Variants in SLC12A2 observed in about 807,000 individuals in gnomAD.
SLC12A2 encodes the protein Na-K-2Cl cotransporter 1.
A neutral mutation model predicts 136.3 loss-of-function variants in SLC12A2; 67 were observed. The ratio of observed to expected loss-of-function variants is 0.49; its 90% CI spans 0.40 to 0.60. The LOEUF (loss-of-function observed/expected upper bound fraction) is 0.60. Among genes scored for constraint, SLC12A2 ranks in the 20% least tolerant of loss-of-function variants. The pLI is 0.00. For synonymous variants in SLC12A2, 619 were observed against 562.9 expected (o/e 1.10, Z -1.41); for missense variants, 1,322 against 1,534.7 (o/e 0.86, Z 2.32).
chr5:128,126,282 C>T (rs1173798155), intron 4 of SLC12A2, among the ~76,000 whole-genome samples: 2 of 152,082 alleles, frequency 1.3e-5, no homozygotes, highest in Admixed American at 1.3e-4. Context: ...AGACGTTTCT[C>T]AAAAGAAGAT....
At chr5:128,166,460 A>ATGTGTGTG in intron 17 of SLC12A2, among the ~76,000 whole-genome samples, 1 of 150,004 alleles carries the variant, frequency 6.7e-6, no homozygotes, top group East Asian at 1.9e-4. Flanking sequence ...GGATAAACAA[A>ATGTGTGTG]TGTGTGTGTG....
At position 128,152,402 on chromosome 5, in the gene SLC12A2, A is replaced by G. The variant is rs183219007; in HGVS notation, c.2264-304A>G. On this transcript the variant is annotated intron_variant, in intron 14 of 26. Coordinates refer to ENST00000262461, the MANE Select transcript of SLC12A2 (RefSeq NM_001046.3). Reference sequence around the variant, plus strand: ...CTCATTTCCATTTAGACCTTTGGCTATATACAAACAATAATTTTAACATAT... The same window carrying G: ...CTCATTTCCATTTAGACCTTTGGCTGTATACAAACAATAATTTTAACATAT... 1.2e-3 allele frequency among the ~76,000 whole-genome samples: 181 copies of G among 152,340 alleles called. 1 individual carries two copies. The highest frequency in any genetic ancestry group is 2.3e-3 in the Non-Finnish European group (154 of 68,026).
chr5:128,185,454 G>T (rs150758087), intron 26 of SLC12A2, among the ~76,000 whole-genome samples: 1 of 151,816 alleles, frequency 6.6e-6, no homozygotes, highest in East Asian at 1.9e-4. Flanking sequence ...GAAAGCTCAG[G>T]CCTCTCCCCC....
At chr5:128,163,836 C>T (rs756178059) in intron 17 of SLC12A2, among the ~76,000 whole-genome samples, 33 of 152,184 alleles carry the variant, frequency 2.2e-4, no homozygotes, top group Admixed American at 6.5e-4. Context: ...CATGAAGATA[C>T]AGTGGAGGCT....
At position 128,111,828 on chromosome 5, in the gene SLC12A2, A is replaced by G. The variant is rs181586331; in HGVS notation, c.757-986A>G. 3.1e-3 allele frequency among the ~76,000 whole-genome samples: 412 copies of G among 133,938 alleles called. 2 individuals carry two copies. Among genetic ancestry groups the G allele is most frequent in the African/African-American group, 9.7e-3 (327 of 33,788 alleles). 87.9% of individuals were successfully genotyped at this position (133,938 alleles called of 152,430 possible). ...TGTGTATATACGTGTGTGTGTGTGT[A>G]TATATATATATATGGAGAGAGAGAA... On this transcript the variant is annotated intron_variant, in intron 1 of 26. Coordinates refer to ENST00000262461, the MANE Select transcript of SLC12A2 (RefSeq NM_001046.3).
At chr5:128,153,603 C>T (rs1035764871) in intron 15 of SLC12A2, among the ~76,000 whole-genome samples, 6 of 152,096 alleles carry the variant, frequency 3.9e-5, no homozygotes, top group African/African-American at 9.7e-5. Flanking sequence ...TATTAACCAT[C>T]GGTATAAACT....
At chr5:128,158,919 AT>A (rs1405388664) in intron 16 of SLC12A2, among the ~76,000 whole-genome samples, 137 of 149,378 alleles carry the variant, frequency 9.2e-4, no homozygotes, top group Non-Finnish European at 1.7e-3. Context: ...GTGTGAAATA[AT>A]TTTTTTATAC....
Position 128,151,372 on chromosome 5 carries a change from A to G in SLC12A2, c.2239A>G (p.Ile747Val). ...LTYVIVLGLY[I>V]YVTYKKPDVN... ...ATATGTGATAGTCCTTGGGCTGTAT[A>G]TTTATGTTACCTACAAAAAACCAGG... The change falls in exon 14 of 27, where the codon ATT becomes GTT. Residue 747 changes from isoleucine (I) to valine (V), a missense_variant. Coordinates refer to ENST00000262461, the MANE Select transcript of SLC12A2 (RefSeq NM_001046.3). 3 of 1,608,766 alleles carry G rather than the reference A, an allele frequency of 1.9e-6. No homozygotes were observed. The highest frequency in any genetic ancestry group is 8.5e-7 in the Non-Finnish European group (1 of 1,178,532).
chr5:128,164,634 C>T (rs557484712), intron 17 of SLC12A2, among the ~76,000 whole-genome samples: 4 of 152,130 alleles, frequency 2.6e-5, no homozygotes, highest in South Asian at 2.1e-4. Flanking sequence ...TTGTTTATTA[C>T]CTTTGGCAAA....
chr5:128,110,913 G>A, intron 1 of SLC12A2: 1 of 1,014,606 alleles, frequency 9.9e-7, no homozygotes, highest in Non-Finnish European at 1.6e-6. Flanking sequence ...AAATCTGAGA[G>A]GGCATGAAAA....
chr5:128,147,780 C>A, intron 11 of SLC12A2, 51 bp downstream of exon 11: 1 of 1,093,918 alleles, frequency 9.1e-7, no homozygotes, highest in Non-Finnish European at 1.4e-6. Context: ...TAAAGTAATA[C>A]TTCTCAATTT....
At chr5:128,178,427 G>T in intron 21 of SLC12A2, 140 bp from the exon 22 acceptor site, 1 of 478,634 alleles carries the variant, frequency 2.1e-6, no homozygotes. Context: ...GAAAGTTTAT[G>T]GTAGATGCCG....
chr5:128,151,006 T>G (rs780178086), intron 13 of SLC12A2, among the ~76,000 whole-genome samples: 1 of 151,862 alleles, frequency 6.6e-6, no homozygotes, highest in Non-Finnish European at 1.5e-5. Flanking sequence ...ACAGAACTAG[T>G]CAAATACAGT....
At chr5:128,157,172 A>C (rs989270038) in intron 15 of SLC12A2, among the ~76,000 whole-genome samples, 2 of 152,174 alleles carry the variant, frequency 1.3e-5, no homozygotes, top group Non-Finnish European at 2.9e-5. Context: ...TCTGCAATTC[A>C]CTTTCTGTTA....
chr5:128,115,846 G>T lies in SLC12A2; in HGVS notation c.1048+1165G>T, dbSNP rs546135853. ...ATTGAGCTTTTCATTTTTCACCATT[G>T]TCTTTATATGTTTTAGACACCAGAG... On this transcript the variant is annotated intron_variant, in intron 4 of 26. Coordinates refer to ENST00000262461, the MANE Select transcript of SLC12A2 (RefSeq NM_001046.3). 6.5e-4 allele frequency among the ~76,000 whole-genome samples: 99 copies of T among 152,292 alleles called. 3 individuals carry two copies. In the South Asian group the frequency reaches 0.02, roughly 31 times the overall value.
intron 7 of SLC12A2, among the ~76,000 whole-genome samples, chr5:128,136,216 A>C (rs1332516879): frequency 6.6e-6 from 1 of 152,174 alleles, no homozygotes; most frequent in Non-Finnish European, 1.5e-5. Context: ...ATTTTTCAAG[A>C]GTGCAGGCCA....
At chr5:128,106,878 A>G (rs757397397) in intron 1 of SLC12A2, among the ~76,000 whole-genome samples, 7 of 152,190 alleles carry the variant, frequency 4.6e-5, no homozygotes, top group Non-Finnish European at 8.8e-5. Flanking sequence ...GTAGCCTACT[A>G]AGTACATACA....
At chr5:128,183,658 C>G (rs1488744901) in intron 24 of SLC12A2, among the ~76,000 whole-genome samples, 2 of 151,802 alleles carry the variant, frequency 1.3e-5, no homozygotes, top group Non-Finnish European at 2.9e-5. Context: ...TTTTGCATTT[C>G]CTTAAATTTT....
rs752131993 is a variant in SLC12A2 at position 128,121,644 on chromosome 5, T to C, written c.1048+6963T>C. On this transcript the variant is annotated intron_variant, in intron 4 of 26. Coordinates refer to ENST00000262461, the MANE Select transcript of SLC12A2 (RefSeq NM_001046.3). The stretch of plus-strand genomic sequence containing the variant: ...GCTGATTTGGGGTACTATTTAAAGT[T>C]ACTGGAAGCAGATTAGAGAATCATC... 2.0e-5 allele frequency among the ~76,000 whole-genome samples: 3 copies of C among 152,134 alleles called. No individual in the cohort carries two copies. The East Asian group carries it at 5.8e-4, about 29-fold the overall frequency.
Sources: allele counts gnomAD v4.1 joint callset (sites outside exome capture counted in the v4.1 genomes callset), GRCh38; gene constraint gnomAD v4.1.1; transcripts MANE v1.5; gene names NCBI Gene and HGNC (gene_info 2026-07-23, HGNC 2026-07-21).